Variants in CACNB2 observed in about 807,000 individuals in gnomAD.
The protein encoded by CACNB2 is calcium voltage-gated channel auxiliary subunit beta 2.
CACNB2 carries 42 observed loss-of-function variants against 73.3 expected under a neutral mutation model. The ratio of observed to expected loss-of-function variants is 0.57; its 90% CI spans 0.45 to 0.74. The LOEUF is 0.74. Among genes scored for constraint, CACNB2 ranks in the 30% least tolerant of loss-of-function variants. CACNB2 has a pLI of 0.00. For synonymous variants in CACNB2, 348 were observed against 310.3 expected (o/e 1.12, Z -1.28); for missense variants, 940 against 853.0 (o/e 1.10, Z -1.27).
At chr10:18,488,778 C>G (rs141799507) in intron 3 of CACNB2, among the ~76,000 whole-genome samples, 19 of 152,170 alleles carry the variant, frequency 1.2e-4, no homozygotes, top group Admixed American at 8.5e-4. Flanking sequence ...CTACACACCC[C>G]TTTAAATGAA....
intron 2 of CACNB2, among the ~76,000 whole-genome samples, chr10:18,166,182 C>G (rs140519247): frequency 2.0e-5 from 3 of 152,202 alleles, no homozygotes; most frequent in Admixed American, 2.0e-4. Flanking sequence ...GATAAATGAA[C>G]AGTGACAAAT....
chr10:18,152,009 T>C (rs1017607519), intron 2 of CACNB2, among the ~76,000 whole-genome samples: 24 of 152,176 alleles, frequency 1.6e-4, no homozygotes, highest in Non-Finnish European at 2.8e-4. Context: ...GGGTTTTATT[T>C]TTATTGGGGA....
chr10:18,511,767 G>A (rs897179419), intron 6 of CACNB2, among the ~76,000 whole-genome samples: 1 of 152,154 alleles, frequency 6.6e-6, no homozygotes, highest in Non-Finnish European at 1.5e-5. Context: ...GATGTGAAGG[G>A]AACTGAAAGA....
intron 3 of CACNB2, among the ~76,000 whole-genome samples, chr10:18,480,146 C>T (rs2048647504): frequency 6.6e-6 from 1 of 152,142 alleles, no homozygotes; most frequent in African/African-American, 2.4e-5. Flanking sequence ...GAGAAACAAT[C>T]CTCAAATATA....
chr10:18,152,579 T>A (rs2031655354), intron 2 of CACNB2, among the ~76,000 whole-genome samples: 1 of 151,860 alleles, frequency 6.6e-6, no homozygotes, highest in Non-Finnish European at 1.5e-5. Flanking sequence ...GAGAGTCAGT[T>A]AAAGGAAAGT....
In CACNB2 at chr10:18,539,950, G is replaced by C. The variant is rs981988170; in HGVS notation, c.*226G>C. ...TGGCCTGGTATGGCTGCAGTCCTCC[G>C]GTTGCATACTGGACTCTTCAAAAAC... On this transcript the variant is annotated 3_prime_UTR_variant, in exon 14 of 14. Transcript: ENST00000324631. 1 of 517,608 alleles carries C rather than the reference G, an allele frequency of 1.9e-6. No homozygotes were observed. Among genetic ancestry groups the C allele is most frequent in the Non-Finnish European group, 3.4e-6 (1 of 293,996 alleles). 32.1% of individuals were successfully genotyped at this position (517,608 alleles called of 1,614,324 possible).
chr10:18,538,018 C>T (rs1418815722), intron 12 of CACNB2, among the ~76,000 whole-genome samples, 162 bp from the exon 13 acceptor site: 1 of 152,128 alleles, frequency 6.6e-6, no homozygotes, highest in African/African-American at 2.4e-5. Context: ...GGTAGTCAGA[C>T]ACTTCCTAAC....
intron 2 of CACNB2, among the ~76,000 whole-genome samples, chr10:18,317,117 C>T (rs1344244416): frequency 2.0e-5 from 3 of 152,076 alleles, no homozygotes; most frequent in Non-Finnish European, 4.4e-5. Context: ...CCCCCTGCCC[C>T]CCACACAGAA....
At position 18,210,510 on chromosome 10, in the gene CACNB2, C is replaced by T. The variant is rs182267611; in HGVS notation, c.213+59535C>T. ...TCTGTAGAGGCGATAAATAGAATGT[C>T]GTAGTTAAGAACCCAGGGATTAGGG... On this transcript the variant is annotated intron_variant, in intron 2 of 13. Coordinates refer to ENST00000324631, the MANE Select transcript of CACNB2 (RefSeq NM_201596.3). 1.2e-4 allele frequency among the ~76,000 whole-genome samples: 18 copies of T among 151,988 alleles called. No homozygotes were observed. The East Asian group carries it at 3.1e-3, about 26-fold the overall frequency.
intron 3 of CACNB2, among the ~76,000 whole-genome samples, chr10:18,461,171 C>T (rs1375566478): frequency 6.6e-6 from 1 of 152,176 alleles, no homozygotes; most frequent in Non-Finnish European, 1.5e-5. Flanking sequence ...ACCTCGGCCT[C>T]CCAAAGTGCT....
rs1317419789 is a variant in CACNB2 at position 18,498,415 on chromosome 10, G to T, written c.394G>T (p.Asp132Tyr). 6.2e-7 allele frequency: 1 copy of T among 1,614,134 alleles called. No homozygotes were observed. ...CAGCTACAGTGCGGCCCATGAAGATGATGTTCCAGTGCCTGGCATGGCCAT... is the reference window on the plus strand; with the variant it reads ...CAGCTACAGTGCGGCCCATGAAGATTATGTTCCAGTGCCTGGCATGGCCAT... ...NVSYSAAHED[D>Y]VPVPGMAISF... is the part of the protein sequence containing the mutation. Residue 132 changes from aspartate (D) to tyrosine (Y), a missense_variant, in exon 4 of 14, where the codon GAT becomes TAT. Coordinates refer to ENST00000324631, the MANE Select transcript of CACNB2 (RefSeq NM_201596.3).
At chr10:18,201,872 C>G (rs1014657958) in intron 2 of CACNB2, among the ~76,000 whole-genome samples, 1 of 152,128 alleles carries the variant, frequency 6.6e-6, no homozygotes, top group Non-Finnish European at 1.5e-5. Flanking sequence ...TTTAAAATGT[C>G]TTATACAATT....
intron 3 of CACNB2, among the ~76,000 whole-genome samples, chr10:18,445,586 A>C (rs1273484278): frequency 7.0e-6 from 1 of 143,186 alleles, no homozygotes; most frequent in African/African-American, 2.5e-5. Flanking sequence ...TGCATGGGGA[A>C]ATAAATATGA....
At chr10:18,440,747 G>A (rs2046373770) in intron 3 of CACNB2, among the ~76,000 whole-genome samples, 1 of 152,130 alleles carries the variant, frequency 6.6e-6, no homozygotes, top group African/African-American at 2.4e-5. Flanking sequence ...TTCAGGCAGT[G>A]GAAACCATAA....
chr10:18,301,153 A>AT (rs2039495694), intron 2 of CACNB2, among the ~76,000 whole-genome samples: 1 of 152,166 alleles, frequency 6.6e-6, no homozygotes, highest in Non-Finnish European at 1.5e-5. Flanking sequence ...AAGTTTGGTG[A>AT]TTTTAATCCT....
chr10:18,539,736 TTGTG>T lies in CACNB2; in HGVS notation c.*14_*17del. ...ACATCCGCCAATGAGTTTTGCCCGT[TTGTG>T]TTTTTTTTTTTTTTTTTTTGAAGTC... On this transcript the variant is annotated 3_prime_UTR_variant, in exon 14 of 14. Transcript: ENST00000324631. 6.4e-7 allele frequency: 1 copy of T among 1,561,228 alleles called. No individual in the cohort carries two copies.
At chr10:18,502,689 C>CAAAAA (rs71200974) in intron 5 of CACNB2, among the ~76,000 whole-genome samples, 34 of 73,256 alleles carry the variant, frequency 4.6e-4, no homozygotes, top group African/African-American at 9.1e-4. Flanking sequence ...GACTCCATCT[C>CAAAAA]AAAAAAAAAA....
chr10:18,314,424 A>T (rs1402923368), intron 2 of CACNB2, among the ~76,000 whole-genome samples: 4 of 152,188 alleles, frequency 2.6e-5, no homozygotes, highest in Non-Finnish European at 5.9e-5. Flanking sequence ...AGACTGAGTT[A>T]TCAATAGAGT....
intron 3 of CACNB2, among the ~76,000 whole-genome samples, chr10:18,477,089 AG>A: frequency 6.6e-6 from 1 of 151,880 alleles, no homozygotes; most frequent in South Asian, 2.1e-4. Flanking sequence ...CAAAGGGCGT[AG>A]CCTTTGGTCC....
Sources: allele counts gnomAD v4.1 joint callset (sites outside exome capture counted in the v4.1 genomes callset), GRCh38; gene constraint gnomAD v4.1.1; transcripts MANE v1.5; gene names NCBI Gene and HGNC (gene_info 2026-07-23, HGNC 2026-07-21).